Variants in NREP observed in about 807,000 individuals in gnomAD.
NREP encodes neuronal regeneration-related protein.
In NREP, 5 loss-of-function variants were observed where a neutral mutation model predicts 8.6. That is an observed-to-expected ratio of 0.58 (90% CI 0.30 to 1.22). NREP has a LOEUF of 1.22. Among genes scored for constraint, NREP ranks in the 50% most tolerant of loss-of-function variants. The pLI, the probability that NREP is intolerant of heterozygous loss-of-function variation, is 0.07. For synonymous variants in NREP, 27 were observed against 28.0 expected, an observed-to-expected ratio of 0.96 and a Z score of 0.11; for missense variants, 86 against 82.5, an observed-to-expected ratio of 1.04 and a Z score of -0.17.
intron 2 of NREP, among the ~76,000 whole-genome samples, chr5:111,928,719 G>A (rs949324394): frequency 1.3e-5 from 2 of 152,144 alleles, no homozygotes; most frequent in African/African-American, 4.8e-5. Context: ...TCAAATTTAG[G>A]ATAAGTGAAG....
chr5:111,733,408 C>T (rs1561629399), intron 3 of NREP: 1 of 152,094 alleles, frequency 6.6e-6, no homozygotes, highest in East Asian at 1.9e-4. Flanking sequence ...CCTGAGGAGA[C>T]AGAGTTCTGT....
intron 2 of NREP, among the ~76,000 whole-genome samples, chr5:111,769,905 G>A (rs1751177654): frequency 6.6e-6 from 1 of 152,128 alleles, no homozygotes. Flanking sequence ...TGAGATCTGG[G>A]TGGGGACACA....
chr5:111,910,411 T>C (rs55818288), intron 2 of NREP, among the ~76,000 whole-genome samples: 3,041 of 152,102 alleles, frequency 0.02, 49 homozygotes, highest in Non-Finnish European at 0.028. Context: ...GGCGACAAAT[T>C]GGCTGCTATC....
At chr5:111,881,581 C>A (rs1401448244) in intron 2 of NREP, among the ~76,000 whole-genome samples, 1 of 152,166 alleles carries the variant, frequency 6.6e-6, no homozygotes. Flanking sequence ...AGGCACCCCC[C>A]AGTAGGGGCA....
chr5:111,851,149 C>G (rs946287367), intron 2 of NREP, among the ~76,000 whole-genome samples: 16 of 152,144 alleles, frequency 1.1e-4, no homozygotes, highest in Non-Finnish European at 1.9e-4. Context: ...TCAGTTCCAC[C>G]TCTGTACCTC....
chr5:111,957,179 A>C (rs1437848154), intron 2 of NREP, among the ~76,000 whole-genome samples: 2 of 151,842 alleles, frequency 1.3e-5, no homozygotes, highest in Admixed American at 1.3e-4. Context: ...AGAGAGAGAG[A>C]GAAAATACAC....
intron 2 of NREP, among the ~76,000 whole-genome samples, chr5:111,776,598 G>A (rs912544223): frequency 1.9e-4 from 29 of 152,008 alleles, no homozygotes; most frequent in Admixed American, 3.9e-4. Context: ...ATAAATAGTC[G>A]TCGATTCATA....
At chr5:111,863,997 C>A (rs1362106563) in intron 2 of NREP, among the ~76,000 whole-genome samples, 1 of 152,056 alleles carries the variant, frequency 6.6e-6, no homozygotes, top group Non-Finnish European at 1.5e-5. Context: ...ATTTGTCAGG[C>A]AGTTACAGAG....
intron 2 of NREP, among the ~76,000 whole-genome samples, chr5:111,839,616 G>A (rs967042675): frequency 2.0e-5 from 3 of 151,910 alleles, no homozygotes; most frequent in South Asian, 2.1e-4. Context: ...TATGGTTACC[G>A]TTATTGCTAT....
At chr5:111,865,888 A>C (rs1410260679) in intron 2 of NREP, among the ~76,000 whole-genome samples, 2 of 152,282 alleles carry the variant, frequency 1.3e-5, no homozygotes, top group East Asian at 3.9e-4. Flanking sequence ...TACATTTTGG[A>C]GAAGACTATA....
At chr5:111,757,553 A>G, upstream of NREP, 3 of 984,694 alleles carry the variant, frequency 3.0e-6, no homozygotes, top group Non-Finnish European at 3.6e-6. Flanking sequence ...TAGGAGCCAG[A>G]CTGCTTACTC....
intron 2 of NREP, among the ~76,000 whole-genome samples, chr5:111,836,574 TCAA>T: frequency 6.6e-6 from 1 of 152,130 alleles, no homozygotes; most frequent in South Asian, 2.1e-4. Context: ...ACAAAACATT[TCAA>T]AGAGAAGCCA....
intron 2 of NREP, among the ~76,000 whole-genome samples, chr5:111,955,482 C>A (rs201883018): frequency 0.013 from 1,096 of 85,392 alleles, 6 homozygotes; most frequent in South Asian, 0.019. Flanking sequence ...AAAAAAAAAA[C>A]AAAAAACAAA....
At chr5:111,881,920 C>T (rs1754085973) in intron 2 of NREP, among the ~76,000 whole-genome samples, 1 of 152,274 alleles carries the variant, frequency 6.6e-6, no homozygotes. Flanking sequence ...AAAAGCAGAG[C>T]ACCTCTCCTC....
chr5:111,956,623 G>A (rs371368985), intron 2 of NREP, among the ~76,000 whole-genome samples: 1 of 152,020 alleles, frequency 6.6e-6, no homozygotes, highest in Non-Finnish European at 1.5e-5. Flanking sequence ...TAAAAAGCTA[G>A]TGGTTGACAG....
chr5:111,924,124 A>G (rs992978792), intron 2 of NREP, among the ~76,000 whole-genome samples: 1 of 152,108 alleles, frequency 6.6e-6, no homozygotes, highest in Non-Finnish European at 1.5e-5. Flanking sequence ...CCCTTCAGAT[A>G]ACACTAAACC....
chr5:111,811,897 T>C (rs1752278200), intron 2 of NREP, among the ~76,000 whole-genome samples: 7 of 152,178 alleles, frequency 4.6e-5, no homozygotes, highest in Admixed American at 4.6e-4. Flanking sequence ...AAGGAAAATA[T>C]AACTTAAAGA....
At chr5:111,855,618 T>G (rs570776456) in intron 2 of NREP, among the ~76,000 whole-genome samples, 120 of 152,306 alleles carry the variant, frequency 7.9e-4, no homozygotes, top group East Asian at 7.7e-4. Flanking sequence ...ACAACAATCT[T>G]TGCTAATGTA....
chr5:111,816,962 G>A lies in NREP; in HGVS notation c.136-81455C>T, dbSNP rs1752398522. Among the ~76,000 whole-genome samples, 3 of 151,946 alleles carry A rather than the reference G, an allele frequency of 2.0e-5. No individual in the cohort carries two copies. The South Asian group carries it at 6.2e-4, about 32-fold the overall frequency. On this transcript the variant is annotated intron_variant, in intron 2 of 3. Transcript: ENST00000395634. The stretch of plus-strand genomic sequence containing the variant: ...ACTATACTAATAAGAAAAAAATGTA[G>A]CTTTATGACAAAATTATAATAGGAA...
Sources: allele counts gnomAD v4.1 joint callset (sites outside exome capture counted in the v4.1 genomes callset), GRCh38; gene constraint gnomAD v4.1.1; transcripts MANE v1.5; gene names NCBI Gene and HGNC (gene_info 2026-07-23, HGNC 2026-07-21).